The following SPIN1 variants were observed in gnomAD, a reference collection of about 807,000 sequenced individuals.
SPIN1 encodes the protein spindlin 1, also known as spindlin-1.
In SPIN1, 3 loss-of-function variants were observed where a neutral mutation model predicts 26.0. The observed-to-expected ratio is 0.12, with a 90% CI of 0.05 to 0.30. The LOEUF is 0.30. SPIN1 is among the 10% of genes least tolerant of loss of function. The probability of loss-of-function intolerance (pLI) is 1.00; values close to 1 mark genes in which losing one functional copy is unlikely to be tolerated. For synonymous variants in SPIN1, 101 were observed against 116.5 expected (o/e 0.87, Z 0.86); for missense variants, 126 against 333.4 (o/e 0.38, Z 4.84).
chr9:88,474,444 G>A lies in SPIN1; in HGVS notation c.590-634G>A, dbSNP rs550047905. Among the ~76,000 whole-genome samples the A allele has an allele frequency of 7.9e-5, 12 of 152,142 alleles. No individual in the cohort carries two copies. The South Asian group carries it at 1.5e-3, about 18-fold the overall frequency. ...CAGAGATTCCCTTGTAGTTGTCCTG[G>A]GCTGAAGTTCATTCAGCACCAATTT... On this transcript the variant is annotated intron_variant, in intron 5 of 5. Coordinates refer to ENST00000375859, the MANE Select transcript of SPIN1 (RefSeq NM_006717.3).
At chr9:88,469,245 C>G (rs561644852) in intron 5 of SPIN1, among the ~76,000 whole-genome samples, 1 of 152,352 alleles carries the variant, frequency 6.6e-6, no homozygotes, top group Admixed American at 6.5e-5. Context: ...CTCTGCTGAT[C>G]TGACAGGAGG....
chr9:88,432,062 G>A (rs1827887434), intron 2 of SPIN1, among the ~76,000 whole-genome samples: 1 of 152,056 alleles, frequency 6.6e-6, no homozygotes, highest in South Asian at 2.1e-4. Flanking sequence ...GTAACAGTGT[G>A]GAATATTATG....
intron 2 of SPIN1, 88 bp from the exon 3 acceptor site, chr9:88,448,853 T>C: frequency 8.3e-7 from 1 of 1,208,624 alleles, no homozygotes; most frequent in South Asian, 1.3e-5. Flanking sequence ...ATATTCTGTA[T>C]AGCAGTTTTT....
At chr9:88,395,834 G>T (rs1827040350) in intron 1 of SPIN1, among the ~76,000 whole-genome samples, 1 of 151,512 alleles carries the variant, frequency 6.6e-6, no homozygotes, top group South Asian at 2.1e-4. Flanking sequence ...CGATCATGAG[G>T]TCAGGAGTTC....
At position 88,411,082 on chromosome 9, in the gene SPIN1, C is replaced by T; in HGVS notation, c.-158-15300C>T. ...TTTCAATCACTTCAGTTTTTCAGAA[C>T]TGTTTAAAATAATCTCTTAGGTGAT... On this transcript the variant is annotated intron_variant, in intron 1 of 5. Transcript: ENST00000375859. 14 of 1,547,906 alleles carry T rather than the reference C, an allele frequency of 9.0e-6. No homozygotes were observed. In the South Asian group the frequency reaches 1.4e-4, roughly 16 times the overall value.
intron 3 of SPIN1, chr9:88,457,923 A>G: frequency 1.0e-6 from 1 of 985,320 alleles, no homozygotes; most frequent in Non-Finnish European, 1.2e-6. Context: ...ACCAATTTGT[A>G]ACAAAAGTCT....
intron 2 of SPIN1, among the ~76,000 whole-genome samples, chr9:88,437,642 C>T (rs1336590998): frequency 1.3e-5 from 2 of 152,164 alleles, no homozygotes; most frequent in Non-Finnish European, 2.9e-5. Flanking sequence ...CGTATGTTTA[C>T]TTTGCAAGAA....
chr9:88,399,473 C>A (rs1040411529), intron 1 of SPIN1, among the ~76,000 whole-genome samples: 1 of 152,196 alleles, frequency 6.6e-6, no homozygotes, highest in Non-Finnish European at 1.5e-5. Context: ...TACATGGAAA[C>A]CATGCTAGTT....
intron 1 of SPIN1, among the ~76,000 whole-genome samples, chr9:88,402,210 C>T (rs1827200916): frequency 6.6e-6 from 1 of 152,106 alleles, no homozygotes; most frequent in African/African-American, 2.4e-5. Flanking sequence ...CCATTCTGGT[C>T]TGGGTCCCCT....
intron 1 of SPIN1, among the ~76,000 whole-genome samples, chr9:88,393,545 C>T (rs1430798045): frequency 1.3e-5 from 2 of 148,250 alleles, no homozygotes; most frequent in Admixed American, 6.7e-5. Flanking sequence ...CCCTCCACCT[C>T]CCGGGAGTCA....
In SPIN1 at chr9:88,396,231, T is replaced by TC. The variant is rs200274405; in HGVS notation, c.-159+7695dup. Among the ~76,000 whole-genome samples the TC allele has an allele frequency of 4.9e-3, 737 of 150,688 alleles. 6 individuals are homozygous for TC. Among genetic ancestry groups the TC allele is most frequent in the African/African-American group, 0.017 (707 of 41,058 alleles). ...TTCAGCCTGGGTGACAGAGTGAGAC[T>TC]CCATCTCAAAAAAAAAAAAATTACA... On this transcript the variant is annotated intron_variant, in intron 1 of 5. Transcript: ENST00000375859.
At chr9:88,392,305 C>G (rs557849535) in intron 1 of SPIN1, among the ~76,000 whole-genome samples, 1 of 152,078 alleles carries the variant, frequency 6.6e-6, no homozygotes, top group Non-Finnish European at 1.5e-5. Flanking sequence ...GCCGTAAACC[C>G]TTTATAGAAC....
intron 1 of SPIN1, among the ~76,000 whole-genome samples, chr9:88,396,793 C>T (rs971557655): frequency 6.6e-6 from 1 of 152,074 alleles, no homozygotes; most frequent in Non-Finnish European, 1.5e-5. Flanking sequence ...GGACAACCTA[C>T]TAGGCACCTA....
At chr9:88,432,548 G>A (rs545941066) in intron 2 of SPIN1, among the ~76,000 whole-genome samples, 126 of 151,418 alleles carry the variant, frequency 8.3e-4, no homozygotes, top group South Asian at 3.4e-3. Context: ...GCAGTGGCGC[G>A]ATCTCGGCTC....
At chr9:88,397,729 C>T (rs1226489004) in intron 1 of SPIN1, among the ~76,000 whole-genome samples, 2 of 151,834 alleles carry the variant, frequency 1.3e-5, no homozygotes, top group African/African-American at 2.4e-5. Context: ...TCTAGCAATT[C>T]TCACTCCTCA....
Position 88,427,613 on chromosome 9 carries a change from C to CT in SPIN1, c.52+1032dup, listed in dbSNP as rs758308299. ...TTTTTTCTTTTTCTCTCTTTTTTTTCTTTTTTTTTTGAGACGGAGTCTCGC... is the reference window on the plus strand; with the variant it reads ...TTTTTTCTTTTTCTCTCTTTTTTTTCTTTTTTTTTTTGAGACGGAGTCTCGC... On this transcript the variant is annotated intron_variant, in intron 2 of 5. Transcript: ENST00000375859. Among the ~76,000 whole-genome samples, 554 of 145,534 alleles carry CT rather than the reference C, an allele frequency of 3.8e-3. 3 individuals are homozygous for CT. Among genetic ancestry groups the CT allele is most frequent in the Non-Finnish European group, 4.0e-3 (265 of 65,882 alleles).
At chr9:88,450,339 T>G (rs1828331665) in intron 3 of SPIN1, among the ~76,000 whole-genome samples, 1 of 152,236 alleles carries the variant, frequency 6.6e-6, no homozygotes, top group African/African-American at 2.4e-5. Flanking sequence ...AACAGTTCAT[T>G]CAAAATAGAT....
Position 88,462,447 on chromosome 9 carries a change from A to G in SPIN1, c.102-49A>G, listed in dbSNP as rs759073043. ...GCCAGCGGTTATGTTAGATCTAGGC[A>G]TGCATACTTTTGAGATAATACCTTA... On this transcript the variant is annotated intron_variant, in intron 3 of 5. Coordinates refer to ENST00000375859, the MANE Select transcript of SPIN1 (RefSeq NM_006717.3). 2.1e-5 allele frequency: 34 copies of G among 1,588,414 alleles called. No homozygotes were observed. In the African/African-American group the frequency reaches 4.2e-4, roughly 19 times the overall value.
intron 1 of SPIN1, 38 bp from the exon 2 acceptor site, chr9:88,426,343 CT>C (rs1227759591): frequency 2.2e-6 from 1 of 450,042 alleles, no homozygotes; most frequent in African/African-American, 2.0e-5. Flanking sequence ...ATTTTGCTCT[CT>C]TGATGCTCTA....
Sources: allele counts gnomAD v4.1 joint callset (sites outside exome capture counted in the v4.1 genomes callset), GRCh38; gene constraint gnomAD v4.1.1; transcripts MANE v1.5; gene names NCBI Gene and HGNC (gene_info 2026-07-23, HGNC 2026-07-21).